Variants in ADGB observed in about 807,000 individuals in gnomAD.
The protein encoded by ADGB is calpain-7-like protein.
Under a neutral mutation model 210.5 loss-of-function variants are expected in ADGB, and 172 were observed. The observed-to-expected ratio is 0.82, with a 90% CI of 0.72 to 0.93. The LOEUF is 0.93. ADGB is among the 40% of genes least tolerant of loss of function. The pLI, the probability that ADGB is intolerant of heterozygous loss-of-function variation, is 0.00. For missense variants in ADGB, 2,025 were observed against 1,964.8 expected (o/e 1.03, Z -0.58); for synonymous variants, 658 against 662.7 (o/e 0.99, Z 0.11).
At chr6:146,641,422 A>G (rs1291926033) in intron 2 of ADGB, among the ~76,000 whole-genome samples, 1 of 152,026 alleles carries the variant, frequency 6.6e-6, no homozygotes, top group African/African-American at 2.4e-5. Flanking sequence ...TGGAACCAAA[A>G]AAGAACCTGA....
rs530092558 is a variant in ADGB, at chr6:146,720,894, G to C, written c.1993-509G>C. On this transcript the variant is annotated intron_variant, in intron 16 of 35. Coordinates refer to ENST00000397944, the MANE Select transcript of ADGB (RefSeq NM_024694.4). Reference sequence around the variant, plus strand: ...GATTACAATCTGACATGAGATTTGGGTGGAAACACAGAGCCAAACCACGAC... The same window carrying C: ...GATTACAATCTGACATGAGATTTGGCTGGAAACACAGAGCCAAACCACGAC... Among the ~76,000 whole-genome samples the C allele has an allele frequency of 2.0e-5, 3 of 152,258 alleles. No homozygotes were observed. The East Asian group carries it at 5.8e-4, about 29-fold the overall frequency.
intron 9 of ADGB, 103 bp downstream of exon 9, chr6:146,676,544 A>G (rs1159817272): frequency 9.1e-7 from 1 of 1,095,240 alleles, no homozygotes; most frequent in Middle Eastern, 2.3e-4. Context: ...AAATAACTAA[A>G]TAAACTTAGT....
intron 13 of ADGB, among the ~76,000 whole-genome samples, chr6:146,705,719 G>A (rs1465882261): frequency 6.6e-6 from 1 of 152,058 alleles, no homozygotes; most frequent in East Asian, 1.9e-4. Flanking sequence ...GTTCATCAGC[G>A]ATATTGACCT....
chr6:146,772,549 T>C (rs1292053952), intron 29 of ADGB, among the ~76,000 whole-genome samples: 1 of 147,622 alleles, frequency 6.8e-6, no homozygotes, highest in Non-Finnish European at 1.5e-5. Context: ...ACGTCTTTAT[T>C]TGTGTCTCTG....
Position 146,782,014 on chromosome 6 carries a change from C to T in ADGB, c.3863-6C>T. ...CTCACCATTTTTTATTTTTATGTCT[C>T]TCTAGCTTATGGTGAAAGACACGAG... On this transcript the variant is annotated splice_region_variant and splice_polypyrimidine_tract_variant and intron_variant, in intron 29 of 35. Transcript: ENST00000397944. 1 of 1,466,692 alleles carries T rather than the reference C, an allele frequency of 6.8e-7. No homozygotes were observed. The highest frequency in any genetic ancestry group is 9.0e-7 in the Non-Finnish European group (1 of 1,113,736). 90.9% of individuals were successfully genotyped at this position (1,466,692 alleles called of 1,614,324 possible).
intron 35 of ADGB, 89 bp downstream of exon 35, chr6:146,802,100 T>C (rs930184905): frequency 9.5e-6 from 9 of 950,344 alleles, no homozygotes; most frequent in Non-Finnish European, 1.3e-5. Context: ...ATATTTTGTA[T>C]AGAAATAAGT....
intron 3 of ADGB, among the ~76,000 whole-genome samples, chr6:146,653,535 T>C (rs1258899128): frequency 1.3e-5 from 2 of 152,132 alleles, no homozygotes; most frequent in Non-Finnish European, 1.5e-5. Context: ...GGGAGCTAAA[T>C]GATGAGAATA....
chr6:146,666,838 G>T lies in ADGB; in HGVS notation c.775G>T (p.Glu259Ter). 6.5e-7 allele frequency: 1 copy of T among 1,549,052 alleles called. No individual in the cohort carries two copies. The highest frequency in any genetic ancestry group is 8.7e-7 in the Non-Finnish European group (1 of 1,144,920). Residue 259 changes from glutamate to a stop codon, truncating the protein, a stop_gained, in exon 7 of 36, where the codon GAG becomes TAG. Coordinates refer to ENST00000397944, the MANE Select transcript of ADGB (RefSeq NM_024694.4). LOFTEE classifies it high-confidence loss of function. ...TAGCATCCATGTAGCAGACAGGAGA[G>T]AGCTGGGGGAGTTCACGGTTATTCA... ...NIDIHVADRR[E>*]LGEFTVIHAL...
intron 8 of ADGB, 103 bp from the exon 9 acceptor site, chr6:146,676,210 A>G (rs1434409263): frequency 2.0e-6 from 2 of 1,025,472 alleles, no homozygotes; most frequent in African/African-American, 3.3e-5. Flanking sequence ...ACATTAAATA[A>G]TACTATTATT....
rs887419485 is a variant in ADGB, at chr6:146,717,181, A to C, written c.1928+112A>C. ...TTTTTGCATATTTAATATAGTGGTT[A>C]TATAACCTATTAATTCTTAGCATCA... is the stretch of plus-strand genomic sequence containing the variant. On this transcript the variant is annotated intron_variant, in intron 15 of 35. Transcript: ENST00000397944. The C allele has an allele frequency of 1.7e-5, 15 of 868,030 alleles. No homozygotes were observed. The South Asian group carries it at 3.0e-4, about 17-fold the overall frequency. 53.8% of individuals were successfully genotyped at this position (868,030 alleles called of 1,614,324 possible).
In ADGB at chr6:146,620,861, G is replaced by A. The variant is rs529506424; in HGVS notation, c.75-14514G>A. On this transcript the variant is annotated intron_variant, in intron 1 of 35. Coordinates refer to ENST00000397944, the MANE Select transcript of ADGB (RefSeq NM_024694.4). Reference sequence around the variant, plus strand: ...GTGATGTCATATTTCCTGAGTTTTCGCAACTCTTATGTTGATTCCTGAGCA... The same window carrying A: ...GTGATGTCATATTTCCTGAGTTTTCACAACTCTTATGTTGATTCCTGAGCA... 4.6e-5 allele frequency among the ~76,000 whole-genome samples: 7 copies of A among 152,046 alleles called. No homozygotes were observed. The South Asian group carries it at 1.0e-3, about 23-fold the overall frequency.
At chr6:146,785,191 G>A (rs148552343) in intron 31 of ADGB, among the ~76,000 whole-genome samples, 2 of 152,014 alleles carry the variant, frequency 1.3e-5, no homozygotes, top group Non-Finnish European at 2.9e-5. Context: ...GCCCCCTTGT[G>A]GAATATACAC....
intron 26 of ADGB, among the ~76,000 whole-genome samples, chr6:146,751,141 G>T (rs114075766): frequency 1.6e-5 from 2 of 123,230 alleles, no homozygotes; most frequent in Non-Finnish European, 3.3e-5. Context: ...CCACCCTCCC[G>T]CAACATGCCC....
chr6:146,621,245 T>C (rs1250303302), intron 1 of ADGB, among the ~76,000 whole-genome samples: 1 of 152,108 alleles, frequency 6.6e-6, no homozygotes, highest in Non-Finnish European at 1.5e-5. Context: ...GGCATTCCCA[T>C]GGATTGTGCC....
chr6:146,702,008 T>C (rs1470558418), intron 13 of ADGB, among the ~76,000 whole-genome samples: 1 of 151,960 alleles, frequency 6.6e-6, no homozygotes, highest in East Asian at 1.9e-4. Flanking sequence ...GCTCTCAACA[T>C]TGTGACTACT....
At chr6:146,770,531 T>G (rs1239048602) in intron 29 of ADGB, 1 of 465,124 alleles carries the variant, frequency 2.1e-6, no homozygotes, top group Non-Finnish European at 4.5e-6. Context: ...GTCTCATCAT[T>G]GCATCTCTAG....
At chr6:146,665,068 A>G (rs971015648) in intron 6 of ADGB, among the ~76,000 whole-genome samples, 3 of 152,064 alleles carry the variant, frequency 2.0e-5, no homozygotes, top group African/African-American at 7.2e-5. Flanking sequence ...ATGCTCACAT[A>G]CATTGCACAG....
At chr6:146,795,715 A>G (rs911993491) in intron 33 of ADGB, among the ~76,000 whole-genome samples, 3 of 152,170 alleles carry the variant, frequency 2.0e-5, no homozygotes, top group Non-Finnish European at 4.4e-5. Context: ...AATTAGCTCA[A>G]CCATTTGATG....
intron 1 of ADGB, among the ~76,000 whole-genome samples, chr6:146,607,821 G>T (rs867447878): frequency 7.2e-5 from 11 of 152,028 alleles, no homozygotes; most frequent in African/African-American, 2.7e-4. Context: ...TTTAGCCTCT[G>T]TGTCCATCAA....
Sources: allele counts gnomAD v4.1 joint callset (sites outside exome capture counted in the v4.1 genomes callset), GRCh38; gene constraint gnomAD v4.1.1; transcripts MANE v1.5; gene names NCBI Gene and HGNC (gene_info 2026-07-23, HGNC 2026-07-21).